The following DCAF4 variants were observed in gnomAD, a reference collection of about 807,000 sequenced individuals.
DCAF4 encodes the protein DDB1- and CUL4-associated factor 4.
Under a neutral mutation model 60.9 loss-of-function variants are expected in DCAF4, and 37 were observed. That is an observed-to-expected ratio of 0.61 (90% CI 0.47 to 0.80). DCAF4 has a LOEUF of 0.80. Among genes scored for constraint, DCAF4 ranks in the 30% least tolerant of loss-of-function variants. The probability of loss-of-function intolerance (pLI) is 0.00; values close to 1 mark genes in which losing one functional copy is unlikely to be tolerated. For missense variants in DCAF4, 577 were observed against 650.0 expected (o/e 0.89, Z 1.22); for synonymous variants, 243 against 254.8 (o/e 0.95, Z 0.44).
chr14:72,940,089 ACAAGGCAG>A, intron 3 of DCAF4, 123 bp from the exon 4 acceptor site: 8 of 1,334,928 alleles, frequency 6.0e-6, no homozygotes, highest in Non-Finnish European at 7.4e-6. Flanking sequence ...ATGTTGCCTG[ACAAGGCAG>A]CTCATCCCCG....
rs552664669 is a variant in DCAF4 at position 72,938,832 on chromosome 14, C to A, written c.92+762C>A. On this transcript the variant is annotated intron_variant, in intron 2 of 13. Transcript: ENST00000358377. ...AGTCAGTGAGTGAGTGATGAGTGAA[C>A]ACAAAGGCTTAGGACATTACTGTAT... is the stretch of plus-strand genomic sequence containing the variant. Among the ~76,000 whole-genome samples, 5 of 152,174 alleles carry A rather than the reference C, an allele frequency of 3.3e-5. No individual in the cohort carries two copies. In the South Asian group the frequency reaches 1.0e-3, roughly 32 times the overall value.
Position 72,940,298 on chromosome 14 carries a change from T to C in DCAF4, c.272T>C (p.Leu91Pro). 1.2e-6 allele frequency: 2 copies of C among 1,614,128 alleles called. No homozygotes were observed. The highest frequency in any genetic ancestry group is 1.7e-6 in the Non-Finnish European group (2 of 1,180,036). Residue 91 changes from leucine to proline, a missense_variant, in exon 4 of 14, where the codon CTG becomes CCG. Transcript: ENST00000358377. ...LLPGHNNCNP[L>P]TKESIRQKEM... ...CCTGGACATAACAACTGCAACCCCC[T>C]GACGAAAGAGAGCATCCGGCAGAAG...
intron 1 of DCAF4, chr14:72,929,735 C>T: frequency 8.9e-7 from 1 of 1,127,144 alleles, no homozygotes; most frequent in Non-Finnish European, 1.4e-6. Flanking sequence ...CCCATTTCTC[C>T]TTGAAGACCT....
intron 1 of DCAF4, among the ~76,000 whole-genome samples, chr14:72,927,221 G>T (rs1887691808): frequency 6.6e-6 from 1 of 152,138 alleles, no homozygotes; most frequent in African/African-American, 2.4e-5. Context: ...GCATTGTCTT[G>T]TGACTCCAGC....
chr14:72,960,494 C>A, downstream of DCAF4: 1 of 366,182 alleles, frequency 2.7e-6, no homozygotes, highest in Non-Finnish European at 3.9e-6. Context: ...TTATCTAAGG[C>A]TCTGACCTCT....
At chr14:72,947,313 C>G (rs777411102) in intron 8 of DCAF4, 122 bp downstream of exon 8, 2 of 1,135,694 alleles carry the variant, frequency 1.8e-6, no homozygotes, top group Non-Finnish European at 2.7e-6. Context: ...TGTGCACTTA[C>G]ATCTCACGCT....
At chr14:72,940,851 A>C (rs572626544) in intron 4 of DCAF4, among the ~76,000 whole-genome samples, 1 of 152,026 alleles carries the variant, frequency 6.6e-6, no homozygotes, top group African/African-American at 2.4e-5. Context: ...TCAGCCTCCC[A>C]AAGTGCTGGG....
At chr14:72,930,953 A>G (rs1888492186) in intron 1 of DCAF4, among the ~76,000 whole-genome samples, 1 of 152,090 alleles carries the variant, frequency 6.6e-6, no homozygotes, top group African/African-American at 2.4e-5. Flanking sequence ...TCTCAATGCT[A>G]CTCCATTGAT....
At chr14:72,958,282 G>A (rs1015574627) in intron 13 of DCAF4, among the ~76,000 whole-genome samples, 2 of 152,048 alleles carry the variant, frequency 1.3e-5, no homozygotes, top group African/African-American at 2.4e-5. Flanking sequence ...CTAAAAAATG[G>A]GGGAAATCAG....
At chr14:72,927,091 A>C (rs1285094579) in intron 1 of DCAF4, among the ~76,000 whole-genome samples, 1 of 152,210 alleles carries the variant, frequency 6.6e-6, no homozygotes, top group African/African-American at 2.4e-5. Context: ...CTAGCAAGTG[A>C]TGGGGCCTGG....
chr14:72,959,039 C>T lies in DCAF4; in HGVS notation c.*234C>T. The T allele has an allele frequency of 8.2e-7, 1 of 1,220,032 alleles. No individual in the cohort carries two copies. Among genetic ancestry groups the T allele is most frequent in the Non-Finnish European group, 1.0e-6 (1 of 979,268 alleles). 75.6% of individuals were successfully genotyped at this position (1,220,032 alleles called of 1,614,324 possible). On this transcript the variant is annotated 3_prime_UTR_variant, in exon 14 of 14. Coordinates refer to ENST00000358377, the MANE Select transcript of DCAF4 (RefSeq NM_015604.4). ...TCCTTTTCATAAAAGGTACCTCTTTCCTTTTCTTATTGAATTCTTAGAACT... is the reference window on the plus strand; with the variant it reads ...TCCTTTTCATAAAAGGTACCTCTTTTCTTTTCTTATTGAATTCTTAGAACT...
chr14:72,939,183 G>A (rs553716011), intron 2 of DCAF4, among the ~76,000 whole-genome samples: 36 of 152,222 alleles, frequency 2.4e-4, no homozygotes, highest in African/African-American at 6.3e-4. Context: ...GCGAAACTCC[G>A]TCTCTACTAA....
intron 4 of DCAF4, 162 bp downstream of exon 4, chr14:72,940,539 A>T (rs531809686): frequency 1.6e-6 from 1 of 640,534 alleles, no homozygotes; most frequent in East Asian, 3.3e-5. Flanking sequence ...GACAAGAATA[A>T]GAACAGCCAA....
rs556303693 is a variant in DCAF4, at chr14:72,959,003, G to C, written c.*198G>C. On this transcript the variant is annotated 3_prime_UTR_variant, in exon 14 of 14. Transcript: ENST00000358377. ...ATTTGAGTTAAATTGCTGGCTGAGA[G>C]AGCTTGGAAGTCCTTTTCATAAAAG... 376 of 1,253,540 alleles carry C rather than the reference G, an allele frequency of 3.0e-4. 2 individuals carry two copies. In the South Asian group the frequency reaches 5.2e-3, roughly 17 times the overall value. 77.7% of individuals were successfully genotyped at this position (1,253,540 alleles called of 1,614,324 possible).
intron 1 of DCAF4, among the ~76,000 whole-genome samples, chr14:72,927,854 G>A (rs1293773452): frequency 2.0e-5 from 3 of 152,188 alleles, no homozygotes; most frequent in African/African-American, 7.2e-5. Context: ...TAAGTGTTAA[G>A]AGAAAATTTT....
rs1890094605 is a variant in DCAF4 at position 72,941,880 on chromosome 14, T to A, written c.431+56T>A. On this transcript the variant is annotated intron_variant, in intron 5 of 13. Coordinates refer to ENST00000358377, the MANE Select transcript of DCAF4 (RefSeq NM_015604.4). The stretch of plus-strand genomic sequence containing the variant: ...TCATGAATGTTCTTTTCCTGTTTCT[T>A]ATTTTCATGGTATAAGAATCCAGTC... The A allele has an allele frequency of 3.8e-6, 6 of 1,572,902 alleles. No homozygotes were observed. The East Asian group carries it at 6.7e-5, about 18-fold the overall frequency.
At chr14:72,956,088 A>G (rs1443745753) in intron 12 of DCAF4, among the ~76,000 whole-genome samples, 2 of 151,596 alleles carry the variant, frequency 1.3e-5, no homozygotes, top group African/African-American at 4.8e-5. Flanking sequence ...GCGCCCGGCT[A>G]ATTTTTGTAT....
rs148803415 is a variant in DCAF4, at chr14:72,939,833, G to A, written c.124G>A (p.Asp42Asn). The A allele has an allele frequency of 3.7e-5, 59 of 1,613,054 alleles. No homozygotes were observed. The highest frequency in any genetic ancestry group is 1.3e-4 in the African/African-American group (10 of 74,898). The change falls in exon 3 of 14, where the codon GAT (aspartate) becomes AAT (asparagine). Residue 42 changes from aspartate (D) to asparagine (N), a missense_variant. Asp to Asn is a conservative substitution (Grantham distance 23, BLOSUM62 1). Transcript: ENST00000358377. ...SDSRAAQPAH[D>N]SGHGDDESPS... ...CTCCCGGGCAGCACAGCCCGCTCACGATTCCGGCCACGGTGATGACGAGTC... is the reference window on the plus strand; with the variant it reads ...CTCCCGGGCAGCACAGCCCGCTCACAATTCCGGCCACGGTGATGACGAGTC...
At chr14:72,950,639 G>T (rs1224807152) in intron 8 of DCAF4, among the ~76,000 whole-genome samples, 1 of 152,024 alleles carries the variant, frequency 6.6e-6, no homozygotes, top group Non-Finnish European at 1.5e-5. Context: ...GTATAAAGGG[G>T]CAGGTCAGAG....
Sources: gnomAD v4.1 joint callset for allele counts (sites outside exome capture counted in the v4.1 genomes callset) on GRCh38, gnomAD v4.1.1 for gene constraint, MANE v1.5 for transcripts, NCBI Gene and HGNC (gene_info 2026-07-23, HGNC 2026-07-21) for gene names.